Variants in KDM6A observed in about 807,000 individuals in gnomAD.
The protein encoded by KDM6A is lysine-specific demethylase 6A.
Under a neutral mutation model 117.6 loss-of-function variants are expected in KDM6A, and 11 were observed. That is an observed-to-expected ratio of 0.09 (90% CI 0.06 to 0.15). The LOEUF is 0.15. Among genes scored for constraint, KDM6A ranks in the 10% least tolerant of loss-of-function variants. The pLI, the probability that KDM6A is intolerant of heterozygous loss-of-function variation, is 1.00. For missense variants in KDM6A, 799 were observed against 1,077.3 expected (o/e 0.74, Z 3.62); for synonymous variants, 384 against 396.1 (o/e 0.97, Z 0.36).
At chrX:44,943,767 T>TTG (rs2037471061) in intron 2 of KDM6A, among the ~76,000 whole-genome samples, 1 of 112,115 alleles carries the variant, frequency 8.9e-6, no homozygotes, top group African/African-American at 3.2e-5. Flanking sequence ...TGTATAGGTT[T>TTG]TGGTATGAGC....
At chrX:44,948,385 G>A (rs1252247886) in intron 2 of KDM6A, among the ~76,000 whole-genome samples, 1 of 111,869 alleles carries the variant, frequency 8.9e-6, no homozygotes, top group African/African-American at 3.3e-5. Flanking sequence ...CAGAAACAGA[G>A]CTGTGTGTGC....
intron 15 of KDM6A, among the ~76,000 whole-genome samples, chrX:45,062,066 C>G (rs2044327764): frequency 9.1e-6 from 1 of 110,277 alleles, no homozygotes; most frequent in Non-Finnish European, 1.9e-5. Context: ...TATGTATGTA[C>G]AAGCAAATAT....
chrX:45,003,394 C>CTTT (rs397896934), intron 4 of KDM6A, among the ~76,000 whole-genome samples: 46 of 75,503 alleles, frequency 6.1e-4, no homozygotes, highest in East Asian at 1.8e-3. Flanking sequence ...AATTATCCTT[C>CTTT]TTTTTTTTTT....
chrX:44,931,475 T>C (rs1003268178), intron 2 of KDM6A, among the ~76,000 whole-genome samples: 10 of 111,957 alleles, frequency 8.9e-5, no homozygotes, highest in Non-Finnish European at 1.5e-4. Flanking sequence ...CATCAGCAGA[T>C]GTGAATGGAT....
intron 2 of KDM6A, among the ~76,000 whole-genome samples, chrX:44,883,214 G>A (rs1391689831): frequency 1.8e-5 from 2 of 109,394 alleles, no homozygotes; most frequent in Admixed American, 9.9e-5. Context: ...GACTATAAGC[G>A]TGAACCACCA....
At chrX:45,045,445 G>A (rs186333146) in intron 8 of KDM6A, among the ~76,000 whole-genome samples, 59 of 109,448 alleles carry the variant, frequency 5.4e-4, no homozygotes, top group Non-Finnish European at 3.8e-4. Context: ...AATCAGCCAG[G>A]CATGGTGGCA....
intron 2 of KDM6A, among the ~76,000 whole-genome samples, chrX:44,956,558 A>G (rs1215360775): frequency 9.1e-6 from 1 of 110,248 alleles, no homozygotes; most frequent in Admixed American, 9.7e-5. Context: ...GCACCACACC[A>G]TGCCTGGGTA....
At chrX:44,874,074 A>T (rs1017969057) in intron 2 of KDM6A, 87 bp downstream of exon 2, 9 of 893,253 alleles carry the variant, frequency 1.0e-5, no homozygotes, top group African/African-American at 9.9e-5. Flanking sequence ...GTCTGTGCTC[A>T]TTGTGGCCAC....
At chrX:44,970,101 A>G (rs764001498) in intron 3 of KDM6A, among the ~76,000 whole-genome samples, 1 of 111,955 alleles carries the variant, frequency 8.9e-6, no homozygotes, top group African/African-American at 3.2e-5. Context: ...TTTTTTTCTG[A>G]TTAAGAAACA....
intron 8 of KDM6A, among the ~76,000 whole-genome samples, chrX:45,040,195 T>C (rs370605497): frequency 1.5e-4 from 11 of 74,928 alleles, no homozygotes; most frequent in South Asian, 9.2e-4. Context: ...AGGGGCTCCT[T>C]ACTTCCCAGT....
At chrX:44,943,445 A>G (rs1156862824) in intron 2 of KDM6A, among the ~76,000 whole-genome samples, 3 of 111,532 alleles carry the variant, frequency 2.7e-5, no homozygotes, top group Non-Finnish European at 5.7e-5. Context: ...CAAACCTTCA[A>G]TTTGCAAAAA....
chrX:44,972,556 T>C (rs1468479727), intron 3 of KDM6A, among the ~76,000 whole-genome samples: 1 of 111,641 alleles, frequency 9.0e-6, no homozygotes, highest in East Asian at 2.8e-4. Flanking sequence ...GAAGAGATTT[T>C]AGCGTTATAA....
intron 2 of KDM6A, among the ~76,000 whole-genome samples, chrX:44,913,365 C>G (rs1477776988): frequency 2.1e-5 from 2 of 94,156 alleles, no homozygotes; most frequent in Admixed American, 2.7e-4. Flanking sequence ...GTGGTGTGAT[C>G]TTGGCTCACT....
intron 2 of KDM6A, among the ~76,000 whole-genome samples, chrX:44,944,671 T>C (rs1395865898): frequency 8.9e-6 from 1 of 111,886 alleles, no homozygotes; most frequent in Admixed American, 9.5e-5. Flanking sequence ...ATATATTTCA[T>C]ATTTTTGGAG....
chrX:45,102,267 A>G (rs1336454804), intron 27 of KDM6A, among the ~76,000 whole-genome samples: 2 of 111,792 alleles, frequency 1.8e-5, no homozygotes, highest in Admixed American at 9.5e-5. Flanking sequence ...AACCTTTTTC[A>G]TGGTGGCCTA....
rs1358314820 is a variant in KDM6A, at chrX:45,082,799, TGTA to T, written c.3440+14_3440+16del. ...TATCTGATGACAAAAAGTAAGTCCT[TGTA>T]GTAATATTTCTGTGAACTGATGCAA... On this transcript the variant is annotated intron_variant, in intron 23 of 29. Transcript: ENST00000611820. The T allele has an allele frequency of 2.7e-6, 3 of 1,100,076 alleles. No individual in the cohort carries two copies. The highest frequency in any genetic ancestry group is 3.8e-6 in the Non-Finnish European group (3 of 794,662). 90.7% of individuals were successfully genotyped at this position (1,100,076 alleles called of 1,213,427 possible).
chrX:45,088,504 A>G (rs1476354087), intron 25 of KDM6A, among the ~76,000 whole-genome samples: 1 of 113,704 alleles, frequency 8.8e-6, no homozygotes, highest in Non-Finnish European at 1.9e-5. Context: ...TTTTACAGAA[A>G]CAGGCAGTGG....
At chrX:45,037,463 T>C (rs759656051) in intron 7 of KDM6A, among the ~76,000 whole-genome samples, 192 bp from the exon 8 acceptor site, 1 of 112,487 alleles carries the variant, frequency 8.9e-6, no homozygotes, top group East Asian at 2.8e-4. Context: ...TTTCTTATCA[T>C]GATTGTGTTC....
intron 4 of KDM6A, among the ~76,000 whole-genome samples, chrX:45,008,098 T>C (rs1212089223): frequency 8.9e-6 from 1 of 111,840 alleles, no homozygotes; most frequent in Non-Finnish European, 1.9e-5. Context: ...GGATCTTGAA[T>C]GATTAATAGA....
Sources: allele counts gnomAD v4.1 joint callset (sites outside exome capture counted in the v4.1 genomes callset), GRCh38; gene constraint gnomAD v4.1.1; transcripts MANE v1.5; gene names NCBI Gene and HGNC (gene_info 2026-07-23, HGNC 2026-07-21).